Variants in RFX4 observed in about 807,000 individuals in gnomAD.
RFX4 encodes regulatory factor X4.
Under a neutral mutation model 95.0 loss-of-function variants are expected in RFX4, and 10 were observed. That is an observed-to-expected ratio of 0.11 (90% confidence interval 0.06 to 0.18). The LOEUF (loss-of-function observed/expected upper bound fraction) is 0.18, where lower values mean the gene tolerates loss of function less well. Ranked by LOEUF, RFX4 falls within the 10% of genes least tolerant of loss-of-function variation. RFX4 has a pLI of 1.00. For synonymous variants in RFX4, 321 were observed against 340.7 expected (o/e 0.94, Z 0.64); for missense variants, 640 against 922.0 (o/e 0.69, Z 3.96).
rs559780130 is a variant in RFX4, at chr12:106,645,093, A to G, written c.191+5701A>G. ...CTAAGAACAAATAATACAGCAGCCA[A>G]GCAGCCTAAAATAATTGGGGACACG... On this transcript the variant is annotated intron_variant, in intron 3 of 17. Coordinates refer to ENST00000392842, the MANE Select transcript of RFX4 (RefSeq NM_213594.3). Among the ~76,000 whole-genome samples the G allele has an allele frequency of 3.3e-5, 5 of 152,258 alleles. No homozygotes were observed. In the South Asian group the frequency reaches 1.0e-3, roughly 32 times the overall value.
chr12:106,747,442 A>G lies in RFX4; in HGVS notation c.1639A>G (p.Met547Val). ...GTCTTAATTTGTCTCTGCAGGAGCA[A>G]TGCAGTCTTACACGTGGTCTCTAAC... ...EYTGLSTTGAMQSYTWSLTYT... is the reference protein window; with the variant it reads ...EYTGLSTTGAVQSYTWSLTYT... Residue 547 changes from methionine to valine, a missense_variant, in exon 16 of 18, where the codon ATG becomes GTG. By Grantham distance (21) the Met-to-Val change is conservative. Around this residue, in one of 7 missense-constraint regions of RFX4, gnomAD observed 300 missense variants for 346.8 expected, o/e 0.87. Transcript: ENST00000392842. 1.2e-6 allele frequency: 2 copies of G among 1,613,998 alleles called. No individual in the cohort carries two copies. Among genetic ancestry groups the G allele is most frequent in the Non-Finnish European group, 1.7e-6 (2 of 1,179,884 alleles).
At position 106,700,671 on chromosome 12, in the gene RFX4, G is replaced by A. The variant is rs567228249; in HGVS notation, c.833+4225G>A. ...TCCGCCCGCCTCGGCCTCCCAAAGT[G>A]CTGGGATTACAGGCGTGAGCCACCG... is the stretch of plus-strand genomic sequence containing the variant. On this transcript the variant is annotated intron_variant, in intron 8 of 17. Coordinates refer to ENST00000392842, the MANE Select transcript of RFX4 (RefSeq NM_213594.3). 2.4e-3 allele frequency among the ~76,000 whole-genome samples: 365 copies of A among 151,746 alleles called. 1 individual carries two copies. Among genetic ancestry groups the A allele is most frequent in the African/African-American group, 8.3e-3 (342 of 41,262 alleles).
chr12:106,680,424 A>G (rs1249531722), intron 4 of RFX4, among the ~76,000 whole-genome samples: 1 of 152,234 alleles, frequency 6.6e-6, no homozygotes, highest in East Asian at 1.9e-4. Context: ...CCACAGGAGG[A>G]AATTCAGGCA....
intron 6 of RFX4, 92 bp downstream of exon 6, chr12:106,687,189 C>G: frequency 2.9e-6 from 1 of 341,860 alleles, no homozygotes; most frequent in South Asian, 3.4e-5. Context: ...CTCTCACACA[C>G]ACACACACAC....
intron 8 of RFX4, among the ~76,000 whole-genome samples, chr12:106,698,448 T>TA (rs1015309150): frequency 6.6e-5 from 10 of 150,410 alleles, no homozygotes; most frequent in South Asian, 2.1e-4. Flanking sequence ...CTGGCTAATT[T>TA]AAAAAAAAAA....
chr12:106,742,914 CATTT>C (rs770489432), intron 15 of RFX4, among the ~76,000 whole-genome samples: 1 of 152,204 alleles, frequency 6.6e-6, no homozygotes, highest in Non-Finnish European at 1.5e-5. Context: ...ATCATTAATT[CATTT>C]ATTTGACAAA....
intron 2 of RFX4, among the ~76,000 whole-genome samples, chr12:106,639,101 T>C (rs2040567938): frequency 6.6e-6 from 1 of 152,180 alleles, no homozygotes; most frequent in African/African-American, 2.4e-5. Flanking sequence ...CTCTAACACA[T>C]TGTGTCAAAT....
intron 2 of RFX4, among the ~76,000 whole-genome samples, chr12:106,628,942 A>G (rs1290165885): frequency 6.6e-6 from 1 of 151,784 alleles, no homozygotes; most frequent in Non-Finnish European, 1.5e-5. Context: ...GTGTTTTTGT[A>G]GAGGCAAGGT....
chr12:106,700,652 C>T (rs1054244867), intron 8 of RFX4, among the ~76,000 whole-genome samples: 33 of 150,552 alleles, frequency 2.2e-4, no homozygotes, highest in African/African-American at 5.9e-4. Flanking sequence ...GTGATCCGCC[C>T]GCCTCGGCCT....
chr12:106,619,730 G>C (rs921881042), intron 2 of RFX4, among the ~76,000 whole-genome samples: 1 of 151,974 alleles, frequency 6.6e-6, no homozygotes, highest in African/African-American at 2.4e-5. Flanking sequence ...TAGACTTTTC[G>C]ATTATACTTC....
intron 5 of RFX4, 40 bp from the exon 6 acceptor site, chr12:106,686,844 T>G (rs780933771): frequency 3.3e-6 from 5 of 1,536,428 alleles, no homozygotes; most frequent in Middle Eastern, 1.7e-4. Flanking sequence ...TCTCTCTTTT[T>G]TTTTTTTTCT....
intron 17 of RFX4, among the ~76,000 whole-genome samples, chr12:106,757,946 C>T (rs1004353169): frequency 2.6e-5 from 4 of 152,248 alleles, no homozygotes; most frequent in East Asian, 1.9e-4. Context: ...CAGGCACACA[C>T]ATGTGCACAC....
rs149153430 is a variant in RFX4, at chr12:106,654,214, G to A, written c.192-14G>A. ...GTAACACATTTTTTGCTCATTGGGC[G>A]TTTATTTCCCTAGGCTGGAGGAGAA... On this transcript the variant is annotated splice_polypyrimidine_tract_variant and intron_variant, in intron 3 of 17. Coordinates refer to ENST00000392842, the MANE Select transcript of RFX4 (RefSeq NM_213594.3). The A allele has an allele frequency of 1.5e-4, 236 of 1,613,800 alleles. 1 individual carries two copies. The African/African-American group carries it at 2.0e-3, about 13-fold the overall frequency.
At position 106,691,249 on chromosome 12, in the gene RFX4, C is replaced by G. The variant is rs887868896; in HGVS notation, c.669+1885C>G. Among the ~76,000 whole-genome samples, 6 of 152,334 alleles carry G rather than the reference C, an allele frequency of 3.9e-5. No homozygotes were observed. In the South Asian group the frequency reaches 1.0e-3, roughly 26 times the overall value. ...GTGTTACTAGAAGGAGGAGATAAGACTGCCTGGTAAAAGCTCTTTGTAAAC... is the reference window on the plus strand; with the variant it reads ...GTGTTACTAGAAGGAGGAGATAAGAGTGCCTGGTAAAAGCTCTTTGTAAAC... On this transcript the variant is annotated intron_variant, in intron 7 of 17. Transcript: ENST00000392842.
intron 3 of RFX4, among the ~76,000 whole-genome samples, chr12:106,652,402 A>T (rs1045982320): frequency 1.3e-5 from 2 of 152,200 alleles, no homozygotes; most frequent in Admixed American, 1.3e-4. Context: ...TATTTGTTGA[A>T]TGAATAAATG....
intron 16 of RFX4, 24 bp from the exon 17 acceptor site, chr12:106,750,631 T>C (rs774223526): frequency 1.0e-5 from 16 of 1,572,658 alleles, no homozygotes; most frequent in African/African-American, 1.4e-5. Context: ...ACTCACACTA[T>C]TCAATGTGCT....
Position 106,720,710 on chromosome 12 carries a change from A to C in RFX4, c.1234-49A>C. ...CCTCATTTTTCAAAGAGACAGTAAT[A>C]AATGAAAGGTCAAGTCGACCACTAT... On this transcript the variant is annotated intron_variant, in intron 12 of 17. Coordinates refer to ENST00000392842, the MANE Select transcript of RFX4 (RefSeq NM_213594.3). This position sits in a 1 kb window ranked among gnomAD's most constrained non-coding sequence, Gnocchi z 4.2. 1.3e-6 allele frequency: 2 copies of C among 1,554,764 alleles called. No homozygotes were observed. Among genetic ancestry groups the C allele is most frequent in the South Asian group, 2.2e-5 (2 of 89,858 alleles).
At chr12:106,695,590 T>A (rs2041863852) in intron 7 of RFX4, among the ~76,000 whole-genome samples, 1 of 152,178 alleles carries the variant, frequency 6.6e-6, no homozygotes. Flanking sequence ...ATAATCTGGT[T>A]CTTTGCTAGT....
Position 106,709,314 on chromosome 12 carries a change from T to C in RFX4, c.834-16T>C, listed in dbSNP as rs2042149059. On this transcript the variant is annotated splice_polypyrimidine_tract_variant and intron_variant, in intron 8 of 17. Transcript: ENST00000392842. ...CAACATGTGCAGCACTTAAAACTCATCGTTTCTTTTTCTAGCTTAACTCAG... is the reference window on the plus strand; with the variant it reads ...CAACATGTGCAGCACTTAAAACTCACCGTTTCTTTTTCTAGCTTAACTCAG... 3.1e-6 allele frequency: 5 copies of C among 1,608,416 alleles called. No individual in the cohort carries two copies. The highest frequency in any genetic ancestry group is 4.3e-6 in the Non-Finnish European group (5 of 1,175,288).
Sources: allele counts gnomAD v4.1 joint callset (sites outside exome capture counted in the v4.1 genomes callset), GRCh38; gene constraint gnomAD v4.1.1; regional missense constraint gnomAD v4.1.1; non-coding constraint Gnocchi (gnomAD v3.1); transcripts MANE v1.5; gene names NCBI Gene and HGNC (gene_info 2026-07-23, HGNC 2026-07-21).